USH2A: variants seen among roughly 807,000 people sequenced by gnomAD.
The protein encoded by USH2A is Usher syndrome 2A (autosomal recessive, mild).
A neutral mutation model predicts 538.9 loss-of-function variants in USH2A; 443 were observed. That is an observed-to-expected ratio of 0.82 (90% CI 0.76 to 0.89). USH2A has a LOEUF of 0.89. Among genes scored for constraint, USH2A ranks in the 40% least tolerant of loss-of-function variants. USH2A has a pLI of 0.00. For missense variants in USH2A, 6,633 were observed against 6,324.8 expected (o/e 1.05, Z -1.65); for synonymous variants, 2,413 against 2,273.5 (o/e 1.06, Z -1.75).
intron 58 of USH2A, among the ~76,000 whole-genome samples, chr1:215,752,801 T>C (rs901080102): frequency 2.0e-5 from 3 of 152,086 alleles, no homozygotes; most frequent in African/African-American, 7.2e-5. Context: ...CTAGGTAAAA[T>C]TGACAAATGG....
chr1:216,211,726 T>C (rs1021949590), intron 15 of USH2A, among the ~76,000 whole-genome samples: 16 of 152,232 alleles, frequency 1.1e-4, no homozygotes, highest in African/African-American at 3.9e-4. Context: ...AATCTCATAA[T>C]GACACATGAG....
intron 30 of USH2A, among the ~76,000 whole-genome samples, chr1:216,052,363 GA>G (rs66887627): frequency 0.42 from 54,073 of 127,590 alleles, 10,915 homozygotes; most frequent in East Asian, 0.51. Context: ...GAAAACAAAG[GA>G]AAAAAAAAAA....
intron 11 of USH2A, among the ~76,000 whole-genome samples, chr1:216,277,034 T>A (rs1357876481): frequency 6.6e-6 from 1 of 152,174 alleles, no homozygotes; most frequent in African/African-American, 2.4e-5. Flanking sequence ...TATATCTACC[T>A]ACTTACCTAC....
intron 20 of USH2A, among the ~76,000 whole-genome samples, chr1:216,182,848 A>G (rs993087922): frequency 1.4e-4 from 22 of 152,078 alleles, no homozygotes; most frequent in African/African-American, 5.1e-4. Flanking sequence ...AGTTCCAATA[A>G]AAACATGTTT....
At chr1:215,699,298 A>G (rs967728481) in intron 61 of USH2A, among the ~76,000 whole-genome samples, 1 of 151,950 alleles carries the variant, frequency 6.6e-6, no homozygotes, top group African/African-American at 2.4e-5. Context: ...TCTTGGTTAT[A>G]TGGGCTCTTT....
chr1:216,035,083 C>T (rs1669217337), intron 32 of USH2A, among the ~76,000 whole-genome samples: 1 of 152,166 alleles, frequency 6.6e-6, no homozygotes. Context: ...ATTGTGAACA[C>T]ACACCTTAAA....
chr1:215,839,563 C>T (rs1663619616), intron 46 of USH2A, among the ~76,000 whole-genome samples: 1 of 152,084 alleles, frequency 6.6e-6, no homozygotes. Flanking sequence ...CTCCAGAAAA[C>T]ATTTCTTTTG....
Position 216,089,122 on chromosome 1 carries a change from T to A in USH2A, c.4776A>T (p.Val1592=), listed in dbSNP as rs2102565352. The stretch of plus-strand genomic sequence containing the variant: ...GTTTGCCATGATCATTAGTTGTAGT[T>A]ACTTCCACTGGTGACCCCTTAAGGG... ...LFDPQGSPVE[V]TTTNDHGKQY... The change falls in exon 23 of 72, where the codon GTA becomes GTT. Residue 1592 remains valine (V), a synonymous_variant. Coordinates refer to ENST00000307340, the MANE Select transcript of USH2A (RefSeq NM_206933.4). 2 of 1,613,132 alleles carry A rather than the reference T, an allele frequency of 1.2e-6. No individual in the cohort carries two copies. The highest frequency in any genetic ancestry group is 1.7e-6 in the Non-Finnish European group (2 of 1,179,334).
At chr1:216,097,022 C>T in intron 22 of USH2A, 61 bp downstream of exon 22, 1 of 1,476,752 alleles carries the variant, frequency 6.8e-7, no homozygotes. Flanking sequence ...GAAGCATTTA[C>T]CTCAGTACCA....
intron 4 of USH2A, among the ~76,000 whole-genome samples, chr1:216,348,498 T>C (rs1290352042): frequency 1.3e-5 from 2 of 152,112 alleles, no homozygotes; most frequent in Admixed American, 1.3e-4. Flanking sequence ...CATAGGTATT[T>C]GATTGTACAA....
At chr1:215,926,773 A>C (rs531816269) in intron 38 of USH2A, among the ~76,000 whole-genome samples, 36 of 151,786 alleles carry the variant, frequency 2.4e-4, no homozygotes, top group Non-Finnish European at 5.2e-4. Flanking sequence ...TGCCCGGCTA[A>C]GTTTTTGTAT....
At chr1:215,960,293 AG>A (rs1161008672) in intron 37 of USH2A, among the ~76,000 whole-genome samples, 2 of 152,170 alleles carry the variant, frequency 1.3e-5, no homozygotes, top group Middle Eastern at 3.2e-3. Context: ...TACATAAGCC[AG>A]GTTGCTACTA....
chr1:216,398,871 C>G (rs959423380), intron 3 of USH2A, among the ~76,000 whole-genome samples: 4 of 152,112 alleles, frequency 2.6e-5, no homozygotes, highest in African/African-American at 9.7e-5. Flanking sequence ...TTGATGAGAC[C>G]AAATAAGGAG....
chr1:216,044,628 A>G (rs1297638604), intron 32 of USH2A, among the ~76,000 whole-genome samples: 1 of 152,120 alleles, frequency 6.6e-6, no homozygotes, highest in Non-Finnish European at 1.5e-5. Flanking sequence ...TATAGTTCTA[A>G]TTCTCTTTAA....
intron 50 of USH2A, among the ~76,000 whole-genome samples, chr1:215,797,169 T>A (rs554321548): frequency 1.3e-5 from 2 of 152,286 alleles, no homozygotes; most frequent in South Asian, 4.1e-4. Context: ...GCTCTTACTC[T>A]CTTTAATTCT....
intron 11 of USH2A, among the ~76,000 whole-genome samples, chr1:216,278,977 A>C (rs924915012): frequency 2.6e-5 from 4 of 152,150 alleles, no homozygotes; most frequent in Admixed American, 6.6e-5. Context: ...TCTGTTCCTT[A>C]TTATTCCATC....
intron 21 of USH2A, among the ~76,000 whole-genome samples, chr1:216,147,111 A>T (rs900916274): frequency 6.6e-6 from 1 of 151,808 alleles, no homozygotes; most frequent in African/African-American, 2.4e-5. Context: ...AACTCATCCC[A>T]AATCTTCCTT....
chr1:215,835,579 C>T (rs1663455291), intron 47 of USH2A, among the ~76,000 whole-genome samples: 1 of 151,982 alleles, frequency 6.6e-6, no homozygotes, highest in Non-Finnish European at 1.5e-5. Flanking sequence ...AGAAATAGAC[C>T]CCTGGATGCA....
chr1:216,250,989 C>G lies in USH2A; in HGVS notation c.2081G>C (p.Cys694Ser), dbSNP rs137954284. The change falls in exon 12 of 72, where the codon TGT becomes TCT. Residue 694 changes from cysteine to serine, a missense_variant. Physicochemically the swap from Cys to Ser is moderately radical, Grantham distance 112. Transcript: ENST00000307340. ...CACTGTCCCAGAGGTATTGCAGTTA[C>G]AGGGACTGCAGCCATCAGGATCCAA... ...QELDPDGCSP[C>S]NCNTSGTVDG... 6.2e-7 allele frequency: 1 copy of G among 1,614,044 alleles called. No individual in the cohort carries two copies.
Sources: allele counts gnomAD v4.1 joint callset (sites outside exome capture counted in the v4.1 genomes callset), GRCh38; gene constraint gnomAD v4.1.1; transcripts MANE v1.5; gene names NCBI Gene and HGNC (gene_info 2026-07-23, HGNC 2026-07-21).